Variants in PRTFDC1 observed in about 807,000 individuals in gnomAD.
The protein encoded by PRTFDC1 is phosphoribosyltransferase domain-containing protein 1.
PRTFDC1 carries 38 observed loss-of-function variants against 34.6 expected under a neutral mutation model. The observed-to-expected ratio is 1.10, with a 90% confidence interval of 0.85 to 1.44. PRTFDC1 has a LOEUF of 1.44. PRTFDC1 is among the 40% of genes most tolerant of loss of function. The probability of loss-of-function intolerance (pLI) is 0.00; values close to 1 mark genes in which losing one functional copy is unlikely to be tolerated. For missense variants in PRTFDC1, 270 were observed against 283.0 expected, an observed-to-expected ratio of 0.95 and a Z score of 0.33; for synonymous variants, 93 against 98.1, an observed-to-expected ratio of 0.95 and a Z score of 0.31.
chr10:24,869,126 T>C (rs993919290), intron 4 of PRTFDC1, among the ~76,000 whole-genome samples: 1 of 152,194 alleles, frequency 6.6e-6, no homozygotes, highest in Non-Finnish European at 1.5e-5. Flanking sequence ...ATAGTGGGGC[T>C]TATTTGTTCT....
intron 3 of PRTFDC1, among the ~76,000 whole-genome samples, chr10:24,878,206 G>A (rs975690252): frequency 2.0e-5 from 3 of 152,048 alleles, no homozygotes; most frequent in African/African-American, 7.2e-5. Flanking sequence ...CTGGGAGGTG[G>A]AGGTTGTGGT....
chr10:24,889,036 T>C (rs570607608), intron 3 of PRTFDC1, among the ~76,000 whole-genome samples: 4 of 152,204 alleles, frequency 2.6e-5, no homozygotes, highest in Admixed American at 2.6e-4. Flanking sequence ...TCCCCGACCC[T>C]GCCCCAAATT....
chr10:24,877,396 G>A (rs769905889), intron 3 of PRTFDC1, among the ~76,000 whole-genome samples: 1 of 152,140 alleles, frequency 6.6e-6, no homozygotes, highest in Non-Finnish European at 1.5e-5. Flanking sequence ...ATGTTTGTGT[G>A]TTTTTAATGA....
intron 3 of PRTFDC1, among the ~76,000 whole-genome samples, chr10:24,891,195 A>G (rs897336428): frequency 6.6e-6 from 1 of 152,164 alleles, no homozygotes; most frequent in Non-Finnish European, 1.5e-5. Context: ...GAATCGATTT[A>G]TTCTTCTTGT....
intron 3 of PRTFDC1, among the ~76,000 whole-genome samples, chr10:24,881,891 T>A (rs1048895436): frequency 3.3e-5 from 5 of 151,666 alleles, no homozygotes; most frequent in African/African-American, 1.2e-4. Context: ...TCTCTTCGAG[T>A]GGATAATTCT....
At chr10:24,899,869 CT>C (rs1229977655) in intron 3 of PRTFDC1, among the ~76,000 whole-genome samples, 1 of 152,090 alleles carries the variant, frequency 6.6e-6, no homozygotes, top group African/African-American at 2.4e-5. Flanking sequence ...AATAATGCTG[CT>C]TTTGTGGATT....
At chr10:24,863,288 T>C (rs1261628652) in intron 4 of PRTFDC1, among the ~76,000 whole-genome samples, 2 of 152,212 alleles carry the variant, frequency 1.3e-5, no homozygotes, top group African/African-American at 4.8e-5. Context: ...TAAATCAACT[T>C]TGCCTGTGTT....
chr10:24,920,818 T>G (rs1848777461), intron 3 of PRTFDC1, among the ~76,000 whole-genome samples: 1 of 152,200 alleles, frequency 6.6e-6, no homozygotes, highest in Non-Finnish European at 1.5e-5. Flanking sequence ...ATCTATCCAT[T>G]TGATATATAT....
At position 24,875,784 on chromosome 10, in the gene PRTFDC1, C is replaced by G. The variant is rs145064723; in HGVS notation, c.340-3721G>C. ...TTCAACATTAATTAATCTAACATGTCCAATTAATTAATCTAACTTGTCTAT... is the reference window on the plus strand; with the variant it reads ...TTCAACATTAATTAATCTAACATGTGCAATTAATTAATCTAACTTGTCTAT... On this transcript the variant is annotated intron_variant, in intron 3 of 8. Transcript: ENST00000320152. Among the ~76,000 whole-genome samples the G allele has an allele frequency of 7.6e-3, 1,146 of 151,152 alleles. 12 individuals are homozygous for G. The highest frequency in any genetic ancestry group is 0.027 in the African/African-American group (1,107 of 41,190).
At chr10:24,851,090 G>C (rs1847478751) in intron 8 of PRTFDC1, among the ~76,000 whole-genome samples, 1 of 152,276 alleles carries the variant, frequency 6.6e-6, no homozygotes, top group African/African-American at 2.4e-5. Context: ...TGTTATGGTT[G>C]GTTGGGCACA....
At chr10:24,874,155 G>T (rs1003222704) in intron 3 of PRTFDC1, among the ~76,000 whole-genome samples, 1 of 151,774 alleles carries the variant, frequency 6.6e-6, no homozygotes, top group Non-Finnish European at 1.5e-5. Context: ...CAAGGAGAGA[G>T]GCTTCACACA....
chr10:24,942,478 A>C, intron 1 of PRTFDC1, 42 bp from the exon 2 acceptor site: 1 of 1,493,478 alleles, frequency 6.7e-7, no homozygotes, highest in East Asian at 2.3e-5. Flanking sequence ...TTTTCATCAG[A>C]AATTTGTTTA....
At chr10:24,860,625 A>G (rs906700918) in intron 4 of PRTFDC1, among the ~76,000 whole-genome samples, 3 of 152,110 alleles carry the variant, frequency 2.0e-5, no homozygotes, top group Admixed American at 6.5e-5. Context: ...TTTATCATGG[A>G]AATGTATAAG....
chr10:24,871,941 C>A, intron 4 of PRTFDC1, 57 bp downstream of exon 4: 1 of 1,453,822 alleles, frequency 6.9e-7, no homozygotes, highest in South Asian at 1.2e-5. Flanking sequence ...ACCTGAAATG[C>A]AGGTCACCGA....
intron 2 of PRTFDC1, among the ~76,000 whole-genome samples, chr10:24,939,085 G>T (rs1437848148): frequency 6.6e-6 from 1 of 152,100 alleles, no homozygotes; most frequent in African/African-American, 2.4e-5. Context: ...CAGATCTCTT[G>T]AGGTCAGGAG....
At chr10:24,861,179 CA>C (rs1180494258) in intron 4 of PRTFDC1, among the ~76,000 whole-genome samples, 2 of 152,100 alleles carry the variant, frequency 1.3e-5, no homozygotes, top group African/African-American at 4.8e-5. Flanking sequence ...AATACATCTT[CA>C]AATCAAGGTA....
Position 24,856,993 on chromosome 10 carries a change from A to T in PRTFDC1, c.426T>A (p.Asp142Glu), listed in dbSNP as rs148662493. The T allele has an allele frequency of 1.2e-6, 2 of 1,612,146 alleles. No homozygotes were observed. Among genetic ancestry groups the T allele is most frequent in the African/African-American group, 2.7e-5 (2 of 74,882 alleles). Reference protein sequence around the residue: ...LAGKNVLIVEDVVGTGRTMKA... With the variant: ...LAGKNVLIVEEVVGTGRTMKA... ...TCATGGTCCTCCCAGTTCCGACAAC[A>T]TCCTTTGCAAAAAGGACAGATAAAT... Residue 142 changes from aspartate to glutamate, a missense_variant and splice_region_variant, in exon 6 of 9, where the codon GAT (aspartate) becomes GAA (glutamate). Physicochemically the swap from Asp to Glu is conservative, Grantham distance 45 (BLOSUM62 2). Coordinates refer to ENST00000320152, the MANE Select transcript of PRTFDC1 (RefSeq NM_020200.7).
intron 3 of PRTFDC1, among the ~76,000 whole-genome samples, chr10:24,888,022 A>C (rs1242639093): frequency 6.6e-6 from 1 of 152,056 alleles, no homozygotes; most frequent in Non-Finnish European, 1.5e-5. Flanking sequence ...CAGCCTCCTG[A>C]GTTACTGGGA....
At chr10:24,862,588 T>C (rs1455468601) in intron 4 of PRTFDC1, among the ~76,000 whole-genome samples, 1 of 152,194 alleles carries the variant, frequency 6.6e-6, no homozygotes, top group Non-Finnish European at 1.5e-5. Context: ...TTGGCCAGGC[T>C]GGTCTTGAAT....
Sources: allele counts gnomAD v4.1 joint callset (sites outside exome capture counted in the v4.1 genomes callset), GRCh38; gene constraint gnomAD v4.1.1; transcripts MANE v1.5; gene names NCBI Gene and HGNC (gene_info 2026-07-23, HGNC 2026-07-21).